PDE7B: variants seen among roughly 807,000 people sequenced by gnomAD.
PDE7B encodes the protein 3',5'-cyclic-AMP phosphodiesterase 7B.
A neutral mutation model predicts 56.2 loss-of-function variants in PDE7B; 29 were observed. That is an observed-to-expected ratio of 0.52 (90% CI 0.38 to 0.70). The LOEUF (loss-of-function observed/expected upper bound fraction) is 0.70, where lower values mean the gene tolerates loss of function less well. PDE7B is among the 30% of genes least tolerant of loss of function. The pLI, the probability that PDE7B is intolerant of heterozygous loss-of-function variation, is 0.00. For missense variants in PDE7B, 490 were observed against 565.0 expected, an observed-to-expected ratio of 0.87 and a Z score of 1.35; for synonymous variants, 197 against 196.9, an observed-to-expected ratio of 1.00 and a Z score of 0.00.
chr6:136,155,193 G>T (rs1431481157), intron 7 of PDE7B, among the ~76,000 whole-genome samples: 4 of 152,180 alleles, frequency 2.6e-5, no homozygotes, highest in Admixed American at 2.0e-4. Context: ...AAGTGGCAAA[G>T]ATATATTAGA....
chr6:136,146,638 G>GA (rs1177863544), intron 3 of PDE7B, among the ~76,000 whole-genome samples: 1 of 152,140 alleles, frequency 6.6e-6, no homozygotes. Flanking sequence ...AATTCAGGTG[G>GA]AAAAATTCAT....
chr6:136,042,631 C>T (rs1381890454), intron 2 of PDE7B, among the ~76,000 whole-genome samples: 1 of 152,186 alleles, frequency 6.6e-6, no homozygotes, highest in Non-Finnish European at 1.5e-5. Flanking sequence ...CAGAAATTTT[C>T]TTTATGCTCA....
Position 136,007,257 on chromosome 6 carries a change from G to A in PDE7B, c.82+59733G>A, listed in dbSNP as rs368713755. Among the ~76,000 whole-genome samples, 8 of 152,280 alleles carry A rather than the reference G, an allele frequency of 5.3e-5. 1 individual carries two copies. The highest frequency in any genetic ancestry group is 3.3e-4 in the Admixed American group (5 of 15,284). ...ACAAACTTTGCATCCTGGAGATGAA[G>A]CCTACTTGATTATGATGGATTAGCC... On this transcript the variant is annotated intron_variant, in intron 2 of 12. Coordinates refer to ENST00000308191, the MANE Select transcript of PDE7B (RefSeq NM_018945.4).
chr6:136,093,819 C>G (rs1370922794), intron 2 of PDE7B, among the ~76,000 whole-genome samples: 1 of 152,216 alleles, frequency 6.6e-6, no homozygotes, highest in African/African-American at 2.4e-5. Flanking sequence ...ATAAAGTGCC[C>G]CAACAGTCTG....
At chr6:136,023,542 G>A (rs2128208326) in intron 2 of PDE7B, among the ~76,000 whole-genome samples, 1 of 152,256 alleles carries the variant, frequency 6.6e-6, no homozygotes, top group East Asian at 1.9e-4. Flanking sequence ...ATAATTCAGA[G>A]TGACTCCATA....
intron 1 of PDE7B, among the ~76,000 whole-genome samples, chr6:135,889,889 A>T (rs1775780016): frequency 6.9e-6 from 1 of 145,308 alleles, no homozygotes. Flanking sequence ...AGTAGTTGGG[A>T]TTACAGGCAC....
At chr6:135,882,047 C>T (rs1775620445) in intron 1 of PDE7B, among the ~76,000 whole-genome samples, 1 of 152,116 alleles carries the variant, frequency 6.6e-6, no homozygotes, top group African/African-American at 2.4e-5. Flanking sequence ...TATGTTTTGG[C>T]ACCATTCTTC....
At chr6:136,048,203 A>C (rs1316725630) in intron 2 of PDE7B, among the ~76,000 whole-genome samples, 1 of 152,206 alleles carries the variant, frequency 6.6e-6, no homozygotes, top group Non-Finnish European at 1.5e-5. Context: ...TTCTGCCTGT[A>C]TGATGGTGGT....
At chr6:135,955,136 T>C (rs1313975851) in intron 2 of PDE7B, among the ~76,000 whole-genome samples, 1 of 152,140 alleles carries the variant, frequency 6.6e-6, no homozygotes, top group Non-Finnish European at 1.5e-5. Flanking sequence ...ACTTCATAGA[T>C]ACACATTGTG....
chr6:135,968,949 T>C (rs995991960), intron 2 of PDE7B, among the ~76,000 whole-genome samples: 8 of 152,196 alleles, frequency 5.3e-5, no homozygotes, highest in African/African-American at 1.9e-4. Flanking sequence ...TGGAATACTA[T>C]GCAGCCATAA....
intron 1 of PDE7B, among the ~76,000 whole-genome samples, chr6:135,925,524 T>C (rs751694555): frequency 2.6e-5 from 4 of 152,202 alleles, no homozygotes; most frequent in African/African-American, 9.7e-5. Flanking sequence ...AATCAGTTTT[T>C]TGAGAACTAT....
chr6:136,026,650 T>G (rs1776156520), intron 2 of PDE7B, among the ~76,000 whole-genome samples: 1 of 152,220 alleles, frequency 6.6e-6, no homozygotes, highest in South Asian at 2.1e-4. Flanking sequence ...TAAAGCCTGA[T>G]AGTATCTGCA....
At chr6:136,166,102 T>C (rs150389914) in intron 8 of PDE7B, among the ~76,000 whole-genome samples, 2 of 152,322 alleles carry the variant, frequency 1.3e-5, no homozygotes, top group African/African-American at 2.4e-5. Context: ...CTTAGGTTAT[T>C]TGATATCCCC....
chr6:136,031,696 G>A (rs1373855522), intron 2 of PDE7B, among the ~76,000 whole-genome samples: 3 of 136,316 alleles, frequency 2.2e-5, no homozygotes, highest in Non-Finnish European at 3.1e-5. Context: ...CCGAGATCCC[G>A]CCACTGCACT....
At chr6:135,861,023 T>C (rs1028074830) in intron 1 of PDE7B, among the ~76,000 whole-genome samples, 3 of 151,984 alleles carry the variant, frequency 2.0e-5, no homozygotes, top group Admixed American at 1.3e-4. Flanking sequence ...TGCAGTGTTA[T>C]ATCTGAAGAC....
intron 2 of PDE7B, among the ~76,000 whole-genome samples, chr6:136,019,020 A>G (rs1776025718): frequency 6.6e-6 from 1 of 152,020 alleles, no homozygotes. Context: ...CTCAGACTCT[A>G]TTTTATTAAA....
intron 1 of PDE7B, among the ~76,000 whole-genome samples, chr6:135,855,403 AAGG>A (rs1184307099): frequency 6.6e-6 from 1 of 152,168 alleles, no homozygotes; most frequent in Non-Finnish European, 1.5e-5. Context: ...GAAAAAACAA[AAGG>A]AGAAGTCTGA....
At chr6:135,872,441 A>G (rs1383679847) in intron 1 of PDE7B, among the ~76,000 whole-genome samples, 1 of 152,174 alleles carries the variant, frequency 6.6e-6, no homozygotes, top group Non-Finnish European at 1.5e-5. Flanking sequence ...ACTGCAAAAA[A>G]AATCATACAG....
chr6:135,857,884 T>A (rs1775066240), intron 1 of PDE7B, among the ~76,000 whole-genome samples: 1 of 152,164 alleles, frequency 6.6e-6, no homozygotes, highest in Admixed American at 6.5e-5. Context: ...ATATACTTTT[T>A]AAAAATTTCT....
Sources: gnomAD v4.1 joint callset for allele counts (sites outside exome capture counted in the v4.1 genomes callset) on GRCh38, gnomAD v4.1.1 for gene constraint, MANE v1.5 for transcripts, NCBI Gene and HGNC (gene_info 2026-07-23, HGNC 2026-07-21) for gene names.